UBTD2: variants seen among roughly 807,000 people sequenced by gnomAD.
UBTD2 encodes ubiquitin domain-containing protein 2.
A neutral mutation model predicts 19.8 loss-of-function variants in UBTD2; 9 were observed. The observed-to-expected ratio is 0.46, with a 90% CI of 0.27 to 0.79. The LOEUF (loss-of-function observed/expected upper bound fraction) is 0.79, where lower values mean the gene tolerates loss of function less well. UBTD2 is among the 30% of genes least tolerant of loss of function. The pLI is 0.14. For missense variants in UBTD2, 250 were observed against 300.4 expected, an observed-to-expected ratio of 0.83 and a Z score of 1.24; for synonymous variants, 98 against 103.9, an observed-to-expected ratio of 0.94 and a Z score of 0.35.
intron 1 of UBTD2, among the ~76,000 whole-genome samples, chr5:172,241,413 T>TA (rs1175413571): frequency 0.13 from 15,105 of 118,174 alleles, 994 homozygotes; most frequent in Middle Eastern, 0.17. Context: ...CTGTCTCAAT[T>TA]AAAAAAAAAA....
chr5:172,283,573 G>C lies in UBTD2; in HGVS notation c.70+23C>G. The C allele has an allele frequency of 7.7e-7, 1 of 1,296,038 alleles. No homozygotes were observed. Among genetic ancestry groups the C allele is most frequent in the Non-Finnish European group, 9.8e-7 (1 of 1,015,296 alleles). The allele number at this position is 1,296,038 out of a possible 1,614,324, so 80.3% of individuals were successfully genotyped here. On this transcript the variant is annotated intron_variant, in intron 1 of 2. Coordinates refer to ENST00000393792, the MANE Select transcript of UBTD2 (RefSeq NM_152277.3). This position sits in a 1 kb window ranked among gnomAD's most constrained non-coding sequence, Gnocchi z 4.3. The stretch of plus-strand genomic sequence containing the variant: ...TGGCCGGGAACAATGGGGGGCCGAG[G>C]CTGCCCCCTGGCGCTCACCTACCTC...
intron 1 of UBTD2, among the ~76,000 whole-genome samples, chr5:172,246,841 G>A (rs1343740400): frequency 3.8e-5 from 5 of 130,236 alleles, no homozygotes; most frequent in African/African-American, 1.5e-4. Context: ...TTGGCTCACT[G>A]CAACCTCTGC....
intron 1 of UBTD2, among the ~76,000 whole-genome samples, chr5:172,277,224 C>T (rs1755622536): frequency 6.6e-6 from 1 of 151,982 alleles, no homozygotes; most frequent in Admixed American, 6.6e-5. Context: ...AACCTTTCAT[C>T]AGATCAGACA....
At chr5:172,279,776 T>C (rs1755673085) in intron 1 of UBTD2, among the ~76,000 whole-genome samples, 1 of 152,206 alleles carries the variant, frequency 6.6e-6, no homozygotes, top group Non-Finnish European at 1.5e-5. Flanking sequence ...TAAAGGCTTG[T>C]CTAGAGGTCC....
chr5:172,270,345 TTAGAA>T (rs1308986080), intron 1 of UBTD2, among the ~76,000 whole-genome samples: 5 of 143,206 alleles, frequency 3.5e-5, no homozygotes, highest in African/African-American at 1.3e-4. Context: ...ATTTAGAATT[TTAGAA>T]TTTTTTTTTT....
Position 172,211,167 on chromosome 5 carries a change from G to C in UBTD2, c.*663C>G, listed in dbSNP as rs1771435384. 1 of 152,122 alleles carries C rather than the reference G, an allele frequency of 6.6e-6. No homozygotes were observed. Among genetic ancestry groups the C allele is most frequent in the Non-Finnish European group, 1.5e-5 (1 of 68,026 alleles). 9.4% of individuals were successfully genotyped at this position (152,122 alleles called of 1,614,324 possible). A position where few individuals can be genotyped will look rare whatever the true frequency, so the allele number is the denominator to read the frequency against. ...GAAGGGTGCCTGCCACTAATGTGCTGGAAGGCACCAAAATTTAGTGTGAAT... is the reference window on the plus strand; with the variant it reads ...GAAGGGTGCCTGCCACTAATGTGCTCGAAGGCACCAAAATTTAGTGTGAAT... On this transcript the variant is annotated 3_prime_UTR_variant, in exon 3 of 3. Transcript: ENST00000393792.
In UBTD2 at chr5:172,244,295, G is replaced by GTTTGTTTTTTT. The variant is rs1214308760; in HGVS notation, c.71-9938_71-9937insAAAAAAACAAA. Among the ~76,000 whole-genome samples the GTTTGTTTTTTT allele has an allele frequency of 4.0e-4, 51 of 126,048 alleles. 6 individuals carry two copies. Among genetic ancestry groups the GTTTGTTTTTTT allele is most frequent in the East Asian group, 7.1e-4 (3 of 4,250 alleles). 82.7% of individuals were successfully genotyped at this position (126,048 alleles called of 152,430 possible). On this transcript the variant is annotated intron_variant, in intron 1 of 2. Coordinates refer to ENST00000393792, the MANE Select transcript of UBTD2 (RefSeq NM_152277.3). Reference sequence around the variant, plus strand: ...CAAGACTGTTTCCCCTTTCCTCCCAGTTTTTTTTTTTTTTTTTTGAGACAG... The same window carrying GTTTGTTTTTTT: ...CAAGACTGTTTCCCCTTTCCTCCCAGTTTGTTTTTTTTTTTTTTTTTTTTTTTTTGAGACAG...
intron 1 of UBTD2, among the ~76,000 whole-genome samples, chr5:172,275,016 A>G (rs1478716964): frequency 6.6e-6 from 1 of 152,186 alleles, no homozygotes; most frequent in Non-Finnish European, 1.5e-5. Context: ...AGCCTGTGCA[A>G]CAGAGCGAGA....
intron 1 of UBTD2, among the ~76,000 whole-genome samples, chr5:172,257,814 T>A (rs746082911): frequency 1.7e-4 from 26 of 152,234 alleles, no homozygotes; most frequent in Non-Finnish European, 8.8e-5. Context: ...GAATGTCTTC[T>A]TTTGGTAAGT....
At chr5:172,244,688 G>C (rs1269592842) in intron 1 of UBTD2, among the ~76,000 whole-genome samples, 1 of 151,998 alleles carries the variant, frequency 6.6e-6, no homozygotes, top group Non-Finnish European at 1.5e-5. Flanking sequence ...TACTGATTAT[G>C]CCCAAAAACC....
chr5:172,226,297 C>T (rs1274380458), intron 2 of UBTD2, among the ~76,000 whole-genome samples: 1 of 152,014 alleles, frequency 6.6e-6, no homozygotes. Context: ...CATAAGACTC[C>T]AGGAGAAGCA....
At chr5:172,225,782 C>G (rs1771750600) in intron 2 of UBTD2, among the ~76,000 whole-genome samples, 1 of 152,088 alleles carries the variant, frequency 6.6e-6, no homozygotes, top group African/African-American at 2.4e-5. Flanking sequence ...CATTGGCAAT[C>G]TGGTACAGAA....
rs1027277782 is a variant in UBTD2, at chr5:172,232,688, T to C, written c.307+1434A>G. 4.6e-5 allele frequency among the ~76,000 whole-genome samples: 7 copies of C among 151,762 alleles called. 1 individual carries two copies. Among genetic ancestry groups the C allele is most frequent in the African/African-American group, 1.7e-4 (7 of 41,270 alleles). On this transcript the variant is annotated intron_variant, in intron 2 of 2. Transcript: ENST00000393792. ...TCATCTGGGCAACATAGTGAGACCA[T>C]GCCTCTCCAAAAACAAAACAAAACA...
At chr5:172,251,661 A>T (rs1043275798) in intron 1 of UBTD2, among the ~76,000 whole-genome samples, 1 of 152,258 alleles carries the variant, frequency 6.6e-6, no homozygotes, top group East Asian at 1.9e-4. Flanking sequence ...AGAATACCAT[A>T]ACCAGCAAAG....
intron 2 of UBTD2, among the ~76,000 whole-genome samples, chr5:172,227,661 G>A (rs1771797277): frequency 6.6e-6 from 1 of 150,888 alleles, no homozygotes; most frequent in South Asian, 2.1e-4. Context: ...GGGATTATAG[G>A]CGTGAGCCAC....
intron 2 of UBTD2, among the ~76,000 whole-genome samples, chr5:172,227,990 T>C (rs1338849255): frequency 6.6e-6 from 1 of 152,092 alleles, no homozygotes; most frequent in East Asian, 1.9e-4. Context: ...GAAAAATTCT[T>C]ATAGGAACCT....
chr5:172,273,023 G>A (rs1755528074), intron 1 of UBTD2, among the ~76,000 whole-genome samples: 1 of 149,560 alleles, frequency 6.7e-6, no homozygotes, highest in Non-Finnish European at 1.5e-5. Flanking sequence ...GTTGCAGTGA[G>A]CCAAGATCGT....
At chr5:172,257,790 C>T (rs988043298) in intron 1 of UBTD2, among the ~76,000 whole-genome samples, 13 of 152,302 alleles carry the variant, frequency 8.5e-5, no homozygotes, top group Middle Eastern at 3.4e-3. Flanking sequence ...TTTTCACATA[C>T]TTGTTAGCCA....
chr5:172,265,197 T>C (rs1227934092), intron 1 of UBTD2, among the ~76,000 whole-genome samples: 1 of 152,216 alleles, frequency 6.6e-6, no homozygotes, highest in Non-Finnish European at 1.5e-5. Context: ...CACTGCCTCC[T>C]TTCACCAGGC....
Sources: allele counts gnomAD v4.1 joint callset (sites outside exome capture counted in the v4.1 genomes callset), GRCh38; gene constraint gnomAD v4.1.1; non-coding constraint Gnocchi (gnomAD v3.1); transcripts MANE v1.5; gene names NCBI Gene and HGNC (gene_info 2026-07-23, HGNC 2026-07-21).